SP3: variants seen among roughly 807,000 people sequenced by gnomAD.
The protein encoded by SP3 is Sp3 transcription factor.
A neutral mutation model predicts 70.3 loss-of-function variants in SP3; 10 were observed. The observed-to-expected ratio is 0.14, with a 90% CI of 0.09 to 0.24. The LOEUF is 0.24. Ranked by LOEUF, SP3 falls within the 10% of genes least tolerant of loss-of-function variation. SP3 has a pLI of 1.00. For missense variants in SP3, 825 were observed against 914.6 expected, an observed-to-expected ratio of 0.90 and a Z score of 1.26; for synonymous variants, 402 against 333.5, an observed-to-expected ratio of 1.21 and a Z score of -2.24.
chr2:173,940,368 A>T (rs1305863285), intron 4 of SP3, among the ~76,000 whole-genome samples: 2 of 152,200 alleles, frequency 1.3e-5, no homozygotes, highest in African/African-American at 4.8e-5. Flanking sequence ...TGCAATTCAC[A>T]ATAGGGTTCG....
At chr2:173,949,164 T>C (rs575899531) in intron 4 of SP3, among the ~76,000 whole-genome samples, 1 of 152,292 alleles carries the variant, frequency 6.6e-6, no homozygotes, top group East Asian at 1.9e-4. Context: ...CACTCTACTT[T>C]TCAAGCAATA....
intron 5 of SP3, 86 bp from the exon 6 acceptor site, chr2:173,913,352 A>G: frequency 1.0e-6 from 1 of 983,528 alleles, no homozygotes; most frequent in South Asian, 3.6e-5. Context: ...CCCATGTTGA[A>G]TTTTAAATAG....
chr2:173,941,532 C>A (rs779163495), intron 4 of SP3, among the ~76,000 whole-genome samples: 1 of 152,190 alleles, frequency 6.6e-6, no homozygotes, highest in Non-Finnish European at 1.5e-5. Flanking sequence ...GTCACCTGAG[C>A]CCGGAAGGTC....
At chr2:173,954,115 G>T (rs1188941038) in intron 4 of SP3, among the ~76,000 whole-genome samples, 2 of 152,142 alleles carry the variant, frequency 1.3e-5, no homozygotes, top group Admixed American at 1.3e-4. Context: ...AAGTAATAAA[G>T]TTCAGGATTT....
rs1376251727 is a variant in SP3 at position 173,965,295 on chromosome 2, T to C, written c.-124A>G. 6 of 1,152,268 alleles carry C rather than the reference T, an allele frequency of 5.2e-6. No homozygotes were observed. The highest frequency in any genetic ancestry group is 7.5e-6 in the Non-Finnish European group (6 of 802,342). 71.4% of individuals were successfully genotyped at this position (1,152,268 alleles called of 1,614,324 possible). ...GACACGGCCGGAGCGGTCCGGGGAT[T>C]TTTTTTTCCTATTTTGATTGACTGT... On this transcript the variant is annotated 5_prime_UTR_variant, in exon 1 of 7. Transcript: ENST00000310015.
At chr2:173,942,282 C>G (rs1690394648) in intron 4 of SP3, among the ~76,000 whole-genome samples, 1 of 152,200 alleles carries the variant, frequency 6.6e-6, no homozygotes, top group African/African-American at 2.4e-5. Flanking sequence ...GGGCCGGGAG[C>G]AGTGGCTCAC....
chr2:173,922,231 T>C (rs1234294990), intron 4 of SP3, among the ~76,000 whole-genome samples: 2 of 151,992 alleles, frequency 1.3e-5, no homozygotes, highest in African/African-American at 2.4e-5. Flanking sequence ...TGCTAACAGA[T>C]TGATAACAGG....
chr2:173,955,475 G>A lies in SP3; in HGVS notation c.1037C>T (p.Thr346Ile). ...SSQLPVTIDS[T>I]GILQQNTNSL... Reference sequence around the variant, plus strand: ...ATTTGTGTTTTGTTGTAATATACCTGTACTATCTATCGTAACAGGCAACTG... The same window carrying A: ...ATTTGTGTTTTGTTGTAATATACCTATACTATCTATCGTAACAGGCAACTG... The change falls in exon 4 of 7, where the codon ACA becomes ATA. Residue 346 changes from threonine to isoleucine, a missense_variant. This residue lies in a region of SP3 where 678 missense variants were observed against 651.6 expected (regional missense o/e 1.04). Coordinates refer to ENST00000310015, the MANE Select transcript of SP3 (RefSeq NM_003111.5). 3 of 1,614,034 alleles carry A rather than the reference G, an allele frequency of 1.9e-6. No homozygotes were observed. The highest frequency in any genetic ancestry group is 1.1e-5 in the South Asian group (1 of 91,082).
intron 4 of SP3, among the ~76,000 whole-genome samples, chr2:173,928,445 G>A (rs989139603): frequency 2.6e-5 from 4 of 151,850 alleles, no homozygotes; most frequent in Admixed American, 6.6e-5. Flanking sequence ...AATGGCTAGG[G>A]GGAAAACAAC....
In SP3 at chr2:173,907,546, A is replaced by G. The variant is rs1559086618; in HGVS notation, c.*2395T>C. 6.6e-6 allele frequency: 1 copy of G among 152,156 alleles called. No homozygotes were observed. Among genetic ancestry groups the G allele is most frequent in the Non-Finnish European group, 1.5e-5 (1 of 67,982 alleles). 9.4% of individuals were successfully genotyped at this position (152,156 alleles called of 1,614,324 possible). ...ATTTTCAAGACTACTTACTTTCTTC[A>G]TTGCATTCATTCTCCACGAATTCAT... is the stretch of plus-strand genomic sequence containing the variant. On this transcript the variant is annotated 3_prime_UTR_variant, in exon 7 of 7. Transcript: ENST00000310015.
Position 173,955,887 on chromosome 2 carries a change from C to A in SP3, c.625G>T (p.Gly209Cys). 1 of 1,614,148 alleles carries A rather than the reference C, an allele frequency of 6.2e-7. No homozygotes were observed. The highest frequency in any genetic ancestry group is 2.2e-5 in the East Asian group (1 of 44,896). Reference protein sequence around the residue: ...QESSQIQIIPGSNQTLLASGT... With the variant: ...QESSQIQIIPCSNQTLLASGT... ...GAGGCAAGTAAGGTTTGATTAGAGC[C>A]AGGAATGATCTGAATTTGACTGCTT... Residue 209 changes from glycine (G) to cysteine (C), a missense_variant, in exon 4 of 7, where the codon GGC becomes TGC. Gly to Cys is a radical substitution (Grantham distance 159). Around this residue, in one of 4 missense-constraint regions of SP3, gnomAD observed 678 missense variants for 651.6 expected, o/e 1.04. Transcript: ENST00000310015.
At chr2:173,921,435 T>C (rs1178447991) in intron 4 of SP3, among the ~76,000 whole-genome samples, 1 of 152,166 alleles carries the variant, frequency 6.6e-6, no homozygotes, top group Non-Finnish European at 1.5e-5. Context: ...ATGCCTGTAA[T>C]ATCAGCACTT....
chr2:173,964,791 C>T (rs922990480), intron 1 of SP3: 2 of 456,208 alleles, frequency 4.4e-6, no homozygotes, highest in Non-Finnish European at 7.7e-6. Flanking sequence ...CTCCTCCTCC[C>T]CGCGCTGCCC....
rs540307143 is a variant in SP3 at position 173,927,830 on chromosome 2, C to G, written c.1640-9045G>C. ...TTTAAGATAGTTATGATATCTTGAA[C>G]AAAAATTTCTCCAGAATCAATTACA... On this transcript the variant is annotated intron_variant, in intron 4 of 6. Coordinates refer to ENST00000310015, the MANE Select transcript of SP3 (RefSeq NM_003111.5). Among the ~76,000 whole-genome samples the G allele has an allele frequency of 2.1e-4, 32 of 152,242 alleles. No individual in the cohort carries two copies. In the South Asian group the frequency reaches 6.6e-3, roughly 32 times the overall value.
At chr2:173,937,612 G>GA (rs1353577629) in intron 4 of SP3, among the ~76,000 whole-genome samples, 2 of 151,784 alleles carry the variant, frequency 1.3e-5, no homozygotes, top group South Asian at 2.1e-4. Flanking sequence ...TAAAGTCCGA[G>GA]AAAAAAATGT....
intron 2 of SP3, 101 bp downstream of exon 2, chr2:173,964,304 G>C (rs571674239): frequency 3.5e-6 from 2 of 574,380 alleles, no homozygotes; most frequent in Non-Finnish European, 6.2e-6. Flanking sequence ...GGGGAGGGGA[G>C]AGACGAGGAG....
At chr2:173,956,970 G>A (rs945747243) in intron 3 of SP3, among the ~76,000 whole-genome samples, 53 of 152,052 alleles carry the variant, frequency 3.5e-4, no homozygotes, top group African/African-American at 1.2e-3. Context: ...CAATTTGAGG[G>A]AGAGAAAGAT....
intron 1 of SP3, chr2:173,964,808 C>A (rs1691236449): frequency 2.1e-6 from 1 of 469,722 alleles, no homozygotes; most frequent in East Asian, 3.7e-5. Flanking sequence ...GCCCCTGCCC[C>A]CTCTCCTCTC....
rs1367592316 is a variant in SP3, at chr2:173,909,866, T to C, written c.*75A>G. On this transcript the variant is annotated 3_prime_UTR_variant, in exon 7 of 7. Transcript: ENST00000310015. ...ATTTTTGCACATCAATAAAAAGATA[T>C]CTAAGAACTTAGGAACAATATTCTT... 6 of 1,449,528 alleles carry C rather than the reference T, an allele frequency of 4.1e-6. No individual in the cohort carries two copies. Among genetic ancestry groups the C allele is most frequent in the Non-Finnish European group, 4.7e-6 (5 of 1,066,370 alleles). 89.8% of individuals were successfully genotyped at this position (1,449,528 alleles called of 1,614,324 possible).
Sources: allele counts gnomAD v4.1 joint callset (sites outside exome capture counted in the v4.1 genomes callset), GRCh38; gene constraint gnomAD v4.1.1; regional missense constraint gnomAD v4.1.1; transcripts MANE v1.5; gene names NCBI Gene and HGNC (gene_info 2026-07-23, HGNC 2026-07-21).